LSAMP: variants seen among roughly 807,000 people sequenced by gnomAD.
LSAMP encodes the protein limbic system associated membrane protein, also known as limbic system-associated membrane protein.
LSAMP carries 7 observed loss-of-function variants against 38.6 expected under a neutral mutation model. The observed-to-expected ratio is 0.18, with a 90% CI of 0.10 to 0.34. LSAMP has a LOEUF of 0.34. Ranked by LOEUF, LSAMP falls within the 10% of genes least tolerant of loss-of-function variation. The probability of loss-of-function intolerance (pLI) is 1.00; values close to 1 mark genes in which losing one functional copy is unlikely to be tolerated. For missense variants in LSAMP, 313 were observed against 420.0 expected (o/e 0.75, Z 2.23); for synonymous variants, 154 against 166.8 (o/e 0.92, Z 0.59).
chr3:116,268,909 A>G (rs892096201), intron 1 of LSAMP, among the ~76,000 whole-genome samples: 1 of 152,050 alleles, frequency 6.6e-6, no homozygotes, highest in African/African-American at 2.4e-5. Flanking sequence ...TAGCAGTCCA[A>G]CCAGATTAAA....
At chr3:115,897,519 G>A (rs1345170270) in intron 3 of LSAMP, among the ~76,000 whole-genome samples, 1 of 151,932 alleles carries the variant, frequency 6.6e-6, no homozygotes, top group Non-Finnish European at 1.5e-5. Flanking sequence ...GAAGCTGGGG[G>A]GAATAACTAA....
At position 116,259,946 on chromosome 3, in the gene LSAMP, A is replaced by G. The variant is rs947378216; in HGVS notation, c.156-173390T>C. On this transcript the variant is annotated intron_variant, in intron 1 of 6. Transcript: ENST00000490035. ...TACCTCATCTCAAAATACTTCTTCT[A>G]TCCTCACGCTATGCATCTTCCAGAT... Among the ~76,000 whole-genome samples, 25 of 151,940 alleles carry G rather than the reference A, an allele frequency of 1.6e-4. 1 individual carries two copies. The highest frequency in any genetic ancestry group is 5.6e-4 in the African/African-American group (23 of 41,366).
chr3:115,964,717 A>T (rs944158485), intron 3 of LSAMP, among the ~76,000 whole-genome samples: 13 of 152,180 alleles, frequency 8.5e-5, no homozygotes, highest in African/African-American at 3.1e-4. Flanking sequence ...AGAAACAAAA[A>T]TCAAACGCAT....
intron 3 of LSAMP, among the ~76,000 whole-genome samples, chr3:115,864,509 C>T (rs1935802995): frequency 6.6e-6 from 1 of 152,152 alleles, no homozygotes; most frequent in Non-Finnish European, 1.5e-5. Flanking sequence ...ATTCTGAGAA[C>T]AAGCCCAACC....
At chr3:116,208,909 G>T (rs373523951) in intron 1 of LSAMP, among the ~76,000 whole-genome samples, 2 of 152,232 alleles carry the variant, frequency 1.3e-5, no homozygotes, top group African/African-American at 4.8e-5. Flanking sequence ...AGGCCTCCTT[G>T]AGCTGTGGTG....
At chr3:116,366,013 TAA>T (rs67452614) in intron 1 of LSAMP, among the ~76,000 whole-genome samples, 870 of 28,664 alleles carry the variant, frequency 0.03, 14 homozygotes, top group African/African-American at 0.1. Flanking sequence ...TAGAGTATAA[TAA>T]AAAAAAAAAA....
chr3:115,854,940 G>A (rs1403220115), intron 3 of LSAMP, among the ~76,000 whole-genome samples: 1 of 152,196 alleles, frequency 6.6e-6, no homozygotes, highest in Non-Finnish European at 1.5e-5. Context: ...AAATTTTAAT[G>A]AGAAAATAGT....
At chr3:116,206,397 A>G (rs1444087987) in intron 1 of LSAMP, among the ~76,000 whole-genome samples, 2 of 150,246 alleles carry the variant, frequency 1.3e-5, no homozygotes, top group Non-Finnish European at 3.0e-5. Flanking sequence ...TTTGGTCTCT[A>G]TTTCCTTCAG....
At chr3:116,240,216 C>T (rs2046515157) in intron 1 of LSAMP, among the ~76,000 whole-genome samples, 1 of 152,106 alleles carries the variant, frequency 6.6e-6, no homozygotes, top group Non-Finnish European at 1.5e-5. Flanking sequence ...CTTGATTTGA[C>T]AAAAATGATA....
chr3:115,958,411 T>C (rs987306586), intron 3 of LSAMP, among the ~76,000 whole-genome samples: 12 of 152,202 alleles, frequency 7.9e-5, no homozygotes, highest in African/African-American at 2.7e-4. Flanking sequence ...TGTTTTTAAG[T>C]AGAGGTTTTG....
chr3:115,960,172 TA>T (rs1430162886), intron 3 of LSAMP, among the ~76,000 whole-genome samples: 2 of 152,130 alleles, frequency 1.3e-5, no homozygotes, highest in Non-Finnish European at 2.9e-5. Flanking sequence ...GAGGTTAAGT[TA>T]AAATGAAGCC....
At chr3:116,277,546 A>AT (rs1289571711) in intron 1 of LSAMP, among the ~76,000 whole-genome samples, 2 of 151,256 alleles carry the variant, frequency 1.3e-5, no homozygotes, top group East Asian at 1.9e-4. Context: ...ATTTTTTTGT[A>AT]TTTTTTAGTA....
At chr3:116,039,631 A>G (rs73139176) in intron 2 of LSAMP, among the ~76,000 whole-genome samples, 4,631 of 152,226 alleles carry the variant, frequency 0.03, 108 homozygotes, top group South Asian at 0.045. Context: ...TATTGTTTCA[A>G]TTTATTTTAA....
chr3:116,335,333 T>A (rs1213776020), intron 1 of LSAMP, among the ~76,000 whole-genome samples: 1 of 152,074 alleles, frequency 6.6e-6, no homozygotes, highest in Non-Finnish European at 1.5e-5. Context: ...AAAATCCTGA[T>A]GTCATTTTTG....
chr3:116,171,747 A>T (rs1710204775), intron 1 of LSAMP, among the ~76,000 whole-genome samples: 1 of 152,082 alleles, frequency 6.6e-6, no homozygotes, highest in Non-Finnish European at 1.5e-5. Context: ...TGAAGTTTTG[A>T]CAAAAGGAAA....
intron 3 of LSAMP, among the ~76,000 whole-genome samples, chr3:115,923,266 C>G (rs937156344): frequency 6.6e-6 from 1 of 152,182 alleles, no homozygotes; most frequent in Non-Finnish European, 1.5e-5. Flanking sequence ...TTTTCCTTTT[C>G]CCCTTGATGA....
At chr3:116,094,801 A>G (rs1576359034) in intron 1 of LSAMP, among the ~76,000 whole-genome samples, 1 of 152,232 alleles carries the variant, frequency 6.6e-6, no homozygotes, top group Admixed American at 6.5e-5. Flanking sequence ...ATTGGAACAC[A>G]GATAAGTCTT....
chr3:115,854,449 A>AT (rs1576151532), intron 3 of LSAMP, among the ~76,000 whole-genome samples: 1 of 151,312 alleles, frequency 6.6e-6, no homozygotes, highest in East Asian at 1.9e-4. Flanking sequence ...CGCCCGGCTA[A>AT]TTTTTTGTAT....
At chr3:115,970,246 A>G (rs1279779826) in intron 3 of LSAMP, among the ~76,000 whole-genome samples, 1 of 152,188 alleles carries the variant, frequency 6.6e-6, no homozygotes, top group Non-Finnish European at 1.5e-5. Flanking sequence ...TAGGTGTTTC[A>G]TCTTTTGAAA....
Sources: allele counts gnomAD v4.1 joint callset (sites outside exome capture counted in the v4.1 genomes callset), GRCh38; gene constraint gnomAD v4.1.1; transcripts MANE v1.5; gene names NCBI Gene and HGNC (gene_info 2026-07-23, HGNC 2026-07-21).